The following HIPK3 variants were observed in gnomAD, a reference collection of about 807,000 sequenced individuals.
HIPK3 encodes the protein homeodomain-interacting protein kinase 3.
Under a neutral mutation model 124.2 loss-of-function variants are expected in HIPK3, and 47 were observed. The observed-to-expected ratio is 0.38, with a 90% CI of 0.30 to 0.48. The LOEUF is 0.48. Ranked by LOEUF, HIPK3 falls within the 20% of genes least tolerant of loss-of-function variation. The pLI, the probability that HIPK3 is intolerant of heterozygous loss-of-function variation, is 0.98. For synonymous variants in HIPK3, 482 were observed against 515.2 expected (o/e 0.94, Z 0.87); for missense variants, 1,286 against 1,454.3 (o/e 0.88, Z 1.88).
intron 1 of HIPK3, among the ~76,000 whole-genome samples, chr11:33,279,357 G>C (rs1348352022): frequency 6.9e-6 from 1 of 144,074 alleles, no homozygotes; most frequent in Non-Finnish European, 1.5e-5. Context: ...AAGAGAAGAA[G>C]AAGAACCCTA....
intron 5 of HIPK3, 28 bp downstream of exon 5, chr11:33,338,871 C>G (rs759749136): frequency 6.7e-7 from 1 of 1,495,260 alleles, no homozygotes; most frequent in African/African-American, 1.4e-5. Context: ...ATTTGTTCAT[C>G]TTACATGCTT....
intron 2 of HIPK3, among the ~76,000 whole-genome samples, chr11:33,315,216 A>G (rs1358475336): frequency 1.3e-5 from 2 of 152,020 alleles, no homozygotes; most frequent in African/African-American, 2.4e-5. Flanking sequence ...TAATGTTCTC[A>G]CAGTCTTCTC....
At chr11:33,285,416 AG>A (rs1404017162) in intron 1 of HIPK3, among the ~76,000 whole-genome samples, 2 of 152,182 alleles carry the variant, frequency 1.3e-5, no homozygotes, top group Admixed American at 6.5e-5. Flanking sequence ...CTGGGTAGAA[AG>A]TCATTAACTT....
At chr11:33,301,079 T>G (rs1240016310) in intron 2 of HIPK3, among the ~76,000 whole-genome samples, 8 of 152,194 alleles carry the variant, frequency 5.3e-5, no homozygotes, top group African/African-American at 1.2e-4. Flanking sequence ...ATGTCCAATT[T>G]TGATACCTGA....
intron 2 of HIPK3, among the ~76,000 whole-genome samples, chr11:33,292,697 A>C (rs1319692364): frequency 6.6e-6 from 1 of 152,122 alleles, no homozygotes; most frequent in East Asian, 1.9e-4. Flanking sequence ...TTGTCAATTG[A>C]GTTTAGTTTT....
At chr11:33,322,787 C>T (rs927085513) in intron 2 of HIPK3, among the ~76,000 whole-genome samples, 8 of 152,194 alleles carry the variant, frequency 5.3e-5, no homozygotes, top group Non-Finnish European at 1.0e-4. Context: ...GGCTGCGCCA[C>T]TGCACTCCAG....
In HIPK3 at chr11:33,355,821, A is replaced by T. The variant is rs1853801926; in HGVS notation, c.*2253A>T. On this transcript the variant is annotated 3_prime_UTR_variant, in exon 17 of 17. Coordinates refer to ENST00000303296, the MANE Select transcript of HIPK3 (RefSeq NM_005734.5). ...TTTAGTAATTAATTCTATGCATTTT[A>T]TACAAATAGAAATATATATATATAA... The T allele has an allele frequency of 6.6e-6, 1 of 151,802 alleles. No homozygotes were observed. Among genetic ancestry groups the T allele is most frequent in the South Asian group, 2.1e-4 (1 of 4,836 alleles). 9.4% of individuals were successfully genotyped at this position (151,802 alleles called of 1,614,324 possible).
chr11:33,353,432 G>C lies in HIPK3; in HGVS notation c.3512G>C (p.Arg1171Pro). Residue 1171 changes from arginine (R) to proline (P), a missense_variant, in exon 17 of 17, where the codon CGT becomes CCT. Physicochemically the swap from Arg to Pro is moderately radical, Grantham distance 103 (BLOSUM62 -2). Coordinates refer to ENST00000303296, the MANE Select transcript of HIPK3 (RefSeq NM_005734.5). The part of the protein sequence containing the change: ...VHQVPVGLNP[R>P]LLPSPTIHQT... Reference sequence around the variant, plus strand: ...CAAGTCCCAGTGGGCTTAAATCCCCGTCTGTTACCATCCCCAACCATTCAT... The same window carrying C: ...CAAGTCCCAGTGGGCTTAAATCCCCCTCTGTTACCATCCCCAACCATTCAT... The C allele has an allele frequency of 6.2e-7, 1 of 1,613,882 alleles. No homozygotes were observed. The highest frequency in any genetic ancestry group is 8.5e-7 in the Non-Finnish European group (1 of 1,179,888).
intron 3 of HIPK3, among the ~76,000 whole-genome samples, chr11:33,336,123 G>A (rs1219963555): frequency 3.9e-5 from 6 of 152,180 alleles, no homozygotes; most frequent in Non-Finnish European, 8.8e-5. Flanking sequence ...GTGAGTTACT[G>A]AGAAGGGCAG....
intron 2 of HIPK3, among the ~76,000 whole-genome samples, chr11:33,321,838 G>A (rs999520648): frequency 2.0e-5 from 3 of 152,062 alleles, no homozygotes; most frequent in African/African-American, 7.2e-5. Flanking sequence ...TAAGGCTTAG[G>A]TAAATTACTC....
chr11:33,338,058 T>TA (rs945916044), intron 4 of HIPK3, among the ~76,000 whole-genome samples: 1 of 152,188 alleles, frequency 6.6e-6, no homozygotes, highest in Non-Finnish European at 1.5e-5. Flanking sequence ...CATCTTAAAT[T>TA]AAAAAAACTT....
Position 33,354,979 on chromosome 11 carries a change from T to G in HIPK3, c.*1411T>G, listed in dbSNP as rs1023340484. 1 of 152,038 alleles carries G rather than the reference T, an allele frequency of 6.6e-6. No homozygotes were observed. Among genetic ancestry groups the G allele is most frequent in the East Asian group, 1.9e-4 (1 of 5,192 alleles). The allele number at this position is 152,038 out of a possible 1,614,324, so 9.4% of individuals were successfully genotyped here. On this transcript the variant is annotated 3_prime_UTR_variant, in exon 17 of 17. Coordinates refer to ENST00000303296, the MANE Select transcript of HIPK3 (RefSeq NM_005734.5). ...CTACTTTTTGCATAGACCTCAAGTA[T>G]ATTGTAGTGTAAAGGTGGAATTTAA...
chr11:33,267,603 C>G (rs971352369), intron 1 of HIPK3, among the ~76,000 whole-genome samples: 2 of 151,770 alleles, frequency 1.3e-5, no homozygotes, highest in African/African-American at 4.8e-5. Context: ...TCACGCCCTT[C>G]TCCCGCCTTG....
At chr11:33,322,034 C>T (rs1449974529) in intron 2 of HIPK3, among the ~76,000 whole-genome samples, 1 of 152,108 alleles carries the variant, frequency 6.6e-6, no homozygotes. Context: ...GAGTCTTGCT[C>T]CGTCACCCAG....
chr11:33,334,651 TA>T (rs71034673), intron 3 of HIPK3, among the ~76,000 whole-genome samples: 23,094 of 150,856 alleles, frequency 0.15, 2,151 homozygotes, highest in African/African-American at 0.26. Context: ...TGATGAGCTT[TA>T]AAAAAAAAAA....
intron 2 of HIPK3, among the ~76,000 whole-genome samples, chr11:33,311,409 G>T (rs990501146): frequency 1.3e-5 from 2 of 152,066 alleles, no homozygotes; most frequent in Non-Finnish European, 2.9e-5. Flanking sequence ...TCAACTGCTG[G>T]GCTCAAGTTG....
intron 3 of HIPK3, among the ~76,000 whole-genome samples, chr11:33,330,255 TA>T (rs1220898388): frequency 6.6e-6 from 1 of 152,164 alleles, no homozygotes; most frequent in Non-Finnish European, 1.5e-5. Flanking sequence ...CCAAAGGGAT[TA>T]AAAAAAGTCA....
chr11:33,334,898 A>G lies in HIPK3; in HGVS notation c.1222-2177A>G, dbSNP rs559938496. ...ACATTAGGAGAGACTGGAGGCAGGT[A>G]GAATAATCAGGAGGCTTGTGAAATT... On this transcript the variant is annotated intron_variant, in intron 3 of 16. Coordinates refer to ENST00000303296, the MANE Select transcript of HIPK3 (RefSeq NM_005734.5). Among the ~76,000 whole-genome samples, 5 of 152,344 alleles carry G rather than the reference A, an allele frequency of 3.3e-5. 1 individual carries two copies. The highest frequency in any genetic ancestry group is 1.2e-4 in the African/African-American group (5 of 41,576).
At chr11:33,300,619 T>C (rs1218470599) in intron 2 of HIPK3, among the ~76,000 whole-genome samples, 3 of 152,196 alleles carry the variant, frequency 2.0e-5, no homozygotes, top group African/African-American at 7.2e-5. Context: ...ACCAAAAAAT[T>C]TGTGTGACTC....
Sources: gnomAD v4.1 joint callset for allele counts (sites outside exome capture counted in the v4.1 genomes callset) on GRCh38, gnomAD v4.1.1 for gene constraint, MANE v1.5 for transcripts, NCBI Gene and HGNC (gene_info 2026-07-23, HGNC 2026-07-21) for gene names.